Variants in HS6ST3 observed in about 807,000 individuals in gnomAD.
HS6ST3 encodes the protein heparan sulfate 6-O-sulfotransferase 3, also known as heparan-sulfate 6-O-sulfotransferase 3.
A neutral mutation model predicts 36.7 loss-of-function variants in HS6ST3; 12 were observed. That is an observed-to-expected ratio of 0.33 (90% CI 0.21 to 0.53). HS6ST3 has a LOEUF of 0.53. HS6ST3 is among the 20% of genes least tolerant of loss of function. The pLI is 0.95. For missense variants in HS6ST3, 584 were observed against 640.9 expected (o/e 0.91, Z 0.96); for synonymous variants, 240 against 257.5 (o/e 0.93, Z 0.65).
intron 1 of HS6ST3, among the ~76,000 whole-genome samples, chr13:96,118,673 TATATATATATATATA>T (rs1165957682): frequency 3.3e-3 from 70 of 20,912 alleles, no homozygotes; most frequent in East Asian, 7.8e-3. Flanking sequence ...TATATATATA[TATATATATATATATA>T]TTTTTTTTTT....
intron 1 of HS6ST3, among the ~76,000 whole-genome samples, chr13:96,392,889 C>A (rs2055402874): frequency 6.6e-6 from 1 of 152,144 alleles, no homozygotes; most frequent in South Asian, 2.1e-4. Flanking sequence ...TATTGTCATT[C>A]TGAAAGGATC....
Position 96,631,834 on chromosome 13 carries a change from G to A in HS6ST3, c.708-200656G>A, listed in dbSNP as rs569176446. 1.1e-4 allele frequency among the ~76,000 whole-genome samples: 17 copies of A among 152,294 alleles called. No homozygotes were observed. The South Asian group carries it at 3.3e-3, about 30-fold the overall frequency. On this transcript the variant is annotated intron_variant, in intron 1 of 1. Coordinates refer to ENST00000376705, the MANE Select transcript of HS6ST3 (RefSeq NM_153456.4). ...GAGAGGTCATCAGAATCAGTATTGT[G>A]AGGTTTACGAAAACTGCCTTGAAAT... is the stretch of plus-strand genomic sequence containing the variant.
At chr13:96,138,898 CATCTT>C (rs1163132705) in intron 1 of HS6ST3, among the ~76,000 whole-genome samples, 2 of 151,844 alleles carry the variant, frequency 1.3e-5, no homozygotes, top group Non-Finnish European at 1.5e-5. Context: ...ATGAAGGAAA[CATCTT>C]AAAATATGGT....
chr13:96,479,123 T>C (rs897185937), intron 1 of HS6ST3, among the ~76,000 whole-genome samples: 4 of 152,210 alleles, frequency 2.6e-5, no homozygotes, highest in Non-Finnish European at 5.9e-5. Context: ...TTATATATCC[T>C]GACCTTTAGC....
In HS6ST3 at chr13:96,302,173, T is replaced by A. The variant is rs184593349; in HGVS notation, c.707+210604T>A. ...ATATGTATCAATGGCCACAAAATTT[T>A]AAAAAAAATTCTAAAACTCTATTTG... On this transcript the variant is annotated intron_variant, in intron 1 of 1. Coordinates refer to ENST00000376705, the MANE Select transcript of HS6ST3 (RefSeq NM_153456.4). Among the ~76,000 whole-genome samples the A allele has an allele frequency of 5.0e-3, 758 of 151,772 alleles. 11 individuals are homozygous for A. Among genetic ancestry groups the A allele is most frequent in the African/African-American group, 0.017 (692 of 41,434 alleles).
At chr13:96,791,920 T>C (rs976475029) in intron 1 of HS6ST3, among the ~76,000 whole-genome samples, 37 of 152,108 alleles carry the variant, frequency 2.4e-4, no homozygotes, top group Non-Finnish European at 4.9e-4. Context: ...TGTCTTTATG[T>C]ATTTTATATA....
intron 1 of HS6ST3, among the ~76,000 whole-genome samples, chr13:96,444,457 T>G (rs1329847314): frequency 6.6e-6 from 1 of 152,226 alleles, no homozygotes; most frequent in Non-Finnish European, 1.5e-5. Flanking sequence ...AACATTTACT[T>G]AAACAGTGAG....
intron 1 of HS6ST3, among the ~76,000 whole-genome samples, chr13:96,272,592 A>G (rs1204953538): frequency 6.6e-6 from 1 of 152,050 alleles, no homozygotes; most frequent in African/African-American, 2.4e-5. Context: ...AAGTTCCAGT[A>G]GCTATAATGC....
At chr13:96,636,388 C>G (rs1368880260) in intron 1 of HS6ST3, among the ~76,000 whole-genome samples, 1 of 152,142 alleles carries the variant, frequency 6.6e-6, no homozygotes, top group Non-Finnish European at 1.5e-5. Flanking sequence ...ATCTGCACTT[C>G]ATACCTACTG....
rs776338767 is a variant in HS6ST3 at position 96,833,169 on chromosome 13, G to C, written c.1387G>C (p.Asp463His). The C allele has an allele frequency of 3.8e-6, 6 of 1,581,500 alleles. No individual in the cohort carries two copies. Among genetic ancestry groups the C allele is most frequent in the Non-Finnish European group, 4.3e-6 (5 of 1,171,252 alleles). Reference sequence around the variant, plus strand: ...GGCTGCAGAAGGGACTGTCACCGAGGACTACAACAGCCAGGTGGTGAGATG... The same window carrying C: ...GGCTGCAGAAGGGACTGTCACCGAGCACTACAACAGCCAGGTGGTGAGATG... ...DGAAEGTVTE[D>H]YNSQVVRW Residue 463 changes from aspartate to histidine, a missense_variant, in exon 2 of 2, where the codon GAC becomes CAC. This residue lies in a region of HS6ST3 where 360 missense variants were observed against 411.3 expected (regional missense o/e 0.88). Coordinates refer to ENST00000376705, the MANE Select transcript of HS6ST3 (RefSeq NM_153456.4).
At chr13:96,703,952 A>G (rs1356262861) in intron 1 of HS6ST3, among the ~76,000 whole-genome samples, 1 of 152,166 alleles carries the variant, frequency 6.6e-6, no homozygotes, top group Non-Finnish European at 1.5e-5. Context: ...CATGTAAGAC[A>G]TGCCTTGCTT....
intron 1 of HS6ST3, among the ~76,000 whole-genome samples, chr13:96,631,491 A>G (rs184655526): frequency 6.6e-6 from 1 of 152,360 alleles, no homozygotes; most frequent in Admixed American, 6.5e-5. Context: ...CAGGTAAACA[A>G]GCAATTTTTA....
chr13:96,388,016 T>C lies in HS6ST3; in HGVS notation c.707+296447T>C, dbSNP rs139800433. 7.9e-4 allele frequency among the ~76,000 whole-genome samples: 121 copies of C among 152,314 alleles called. 3 individuals carry two copies. The highest frequency in any genetic ancestry group is 2.8e-3 in the African/African-American group (118 of 41,582). On this transcript the variant is annotated intron_variant, in intron 1 of 1. Coordinates refer to ENST00000376705, the MANE Select transcript of HS6ST3 (RefSeq NM_153456.4). ...ATATAAAACAACGATTTGGCCAACT[T>C]TGATGGCCTTTAAACTGTCAACTAC...
At chr13:96,259,440 AT>A (rs2139382151) in intron 1 of HS6ST3, among the ~76,000 whole-genome samples, 1 of 152,304 alleles carries the variant, frequency 6.6e-6, no homozygotes, top group South Asian at 2.1e-4. Flanking sequence ...GGGAAGAGCA[AT>A]GGGATAGGTC....
chr13:96,643,273 G>T (rs950120161), intron 1 of HS6ST3, among the ~76,000 whole-genome samples: 2 of 151,882 alleles, frequency 1.3e-5, no homozygotes, highest in African/African-American at 4.8e-5. Flanking sequence ...TACTCAGCTA[G>T]GCTGCTCATT....
chr13:96,369,762 C>T (rs186340770), intron 1 of HS6ST3, among the ~76,000 whole-genome samples: 4 of 152,218 alleles, frequency 2.6e-5, no homozygotes, highest in Admixed American at 6.5e-5. Flanking sequence ...TTTTTTCCCC[C>T]TCTGAAGAAA....
intron 1 of HS6ST3, among the ~76,000 whole-genome samples, chr13:96,209,437 C>G (rs1005021213): frequency 6.6e-5 from 10 of 152,128 alleles, no homozygotes; most frequent in African/African-American, 2.4e-4. Flanking sequence ...GAAAAAAAAT[C>G]TTCGTTATTG....
chr13:96,709,941 G>A (rs1443453616), intron 1 of HS6ST3, among the ~76,000 whole-genome samples: 1 of 152,200 alleles, frequency 6.6e-6, no homozygotes, highest in East Asian at 1.9e-4. Flanking sequence ...TGGAGAAGAT[G>A]TAAAGAAACC....
In HS6ST3 at chr13:96,223,918, A is replaced by G. The variant is rs374773769; in HGVS notation, c.707+132349A>G. Among the ~76,000 whole-genome samples, 16 of 152,132 alleles carry G rather than the reference A, an allele frequency of 1.1e-4. No individual in the cohort carries two copies. In the South Asian group the frequency reaches 1.7e-3, roughly 16 times the overall value. ...TCTTCCAGATGGCAGCTAGTTCTTT[A>G]TATAATCTAAAGCAAAATATTCCCT... On this transcript the variant is annotated intron_variant, in intron 1 of 1. Transcript: ENST00000376705.
Sources: allele counts gnomAD v4.1 joint callset (sites outside exome capture counted in the v4.1 genomes callset), GRCh38; gene constraint gnomAD v4.1.1; regional missense constraint gnomAD v4.1.1; transcripts MANE v1.5; gene names NCBI Gene and HGNC (gene_info 2026-07-23, HGNC 2026-07-21).